Variants in ATL3 observed in about 807,000 individuals in gnomAD.
The protein encoded by ATL3 is atlastin GTPase 3.
ATL3 carries 49 observed loss-of-function variants against 69.5 expected under a neutral mutation model. The observed-to-expected ratio is 0.71, with a 90% confidence interval of 0.56 to 0.89. The LOEUF is 0.89. Among genes scored for constraint, ATL3 ranks in the 40% least tolerant of loss-of-function variants. The pLI, the probability that ATL3 is intolerant of heterozygous loss-of-function variation, is 0.00. For missense variants in ATL3, 606 were observed against 645.7 expected, an observed-to-expected ratio of 0.94 and a Z score of 0.67; for synonymous variants, 214 against 224.1, an observed-to-expected ratio of 0.95 and a Z score of 0.40.
At chr11:63,656,013 A>G (rs1565280457) in intron 3 of ATL3, among the ~76,000 whole-genome samples, 1 of 152,080 alleles carries the variant, frequency 6.6e-6, no homozygotes, top group Middle Eastern at 3.4e-3. Flanking sequence ...TCACGAGGTC[A>G]GGAGATCGAG....
intron 12 of ATL3, 60 bp from the exon 13 acceptor site, chr11:63,629,465 G>A: frequency 6.8e-7 from 1 of 1,467,252 alleles, no homozygotes; most frequent in Non-Finnish European, 9.5e-7. Flanking sequence ...CAACAAGAAA[G>A]TAAGTCCTTA....
intron 1 of ATL3, among the ~76,000 whole-genome samples, chr11:63,666,861 T>C (rs369444064): frequency 2.6e-5 from 4 of 152,222 alleles, no homozygotes; most frequent in African/African-American, 9.6e-5. Flanking sequence ...GTTAATGCTG[T>C]ATTACATTAC....
At position 63,648,922 on chromosome 11, in the gene ATL3, A is replaced by G. The variant is rs965605957; in HGVS notation, c.562-2359T>C. ...CATTTCAGGTTAGGAATTTGAGGTC[A>G]CTCTGACCAACATAGTGAAACCCTG... is the stretch of plus-strand genomic sequence containing the variant. On this transcript the variant is annotated intron_variant, in intron 5 of 12. Coordinates refer to ENST00000398868, the MANE Select transcript of ATL3 (RefSeq NM_015459.5). 3.3e-5 allele frequency among the ~76,000 whole-genome samples: 5 copies of G among 152,186 alleles called. No individual in the cohort carries two copies. In the South Asian group the frequency reaches 8.3e-4, roughly 25 times the overall value.
At chr11:63,648,397 C>T (rs1939957770) in intron 5 of ATL3, among the ~76,000 whole-genome samples, 1 of 152,188 alleles carries the variant, frequency 6.6e-6, no homozygotes, top group Non-Finnish European at 1.5e-5. Flanking sequence ...ATAACCTTGC[C>T]AAACCACCTA....
At chr11:63,656,306 C>A (rs1186525420) in intron 3 of ATL3, among the ~76,000 whole-genome samples, 2 of 150,912 alleles carry the variant, frequency 1.3e-5, no homozygotes, top group Non-Finnish European at 2.9e-5. Context: ...CCAGACATAC[C>A]CTATAAATAT....
intron 10 of ATL3, among the ~76,000 whole-genome samples, chr11:63,633,717 C>CAAA (rs755308089): frequency 9.7e-5 from 4 of 41,288 alleles, no homozygotes; most frequent in South Asian, 1.8e-3. Context: ...AGATGTGAGT[C>CAAA]AAAAAAAAAA....
At chr11:63,654,894 TAA>T (rs531751594) in intron 3 of ATL3, among the ~76,000 whole-genome samples, 65 of 133,584 alleles carry the variant, frequency 4.9e-4, no homozygotes, top group East Asian at 1.5e-3. Context: ...CAAGACTGTC[TAA>T]AAAAAAAAAA....
chr11:63,668,650 G>A (rs765390134), intron 1 of ATL3, among the ~76,000 whole-genome samples: 17 of 152,118 alleles, frequency 1.1e-4, no homozygotes, highest in Non-Finnish European at 2.1e-4. Flanking sequence ...AATCCAAGGA[G>A]AGGGCTGAAT....
intron 1 of ATL3, chr11:63,670,462 G>A (rs1322849813): frequency 6.6e-6 from 1 of 152,032 alleles, no homozygotes; most frequent in Non-Finnish European, 1.5e-5. Context: ...TTTCCTTTTT[G>A]CTCTTCGATT....
chr11:63,658,530 G>A (rs1940326831), intron 3 of ATL3, among the ~76,000 whole-genome samples: 2 of 152,162 alleles, frequency 1.3e-5, no homozygotes, highest in Admixed American at 1.3e-4. Flanking sequence ...AGCAGACCAA[G>A]GAGACTACAG....
chr11:63,629,183 T>C lies in ATL3; in HGVS notation c.*136A>G, dbSNP rs928882622. On this transcript the variant is annotated 3_prime_UTR_variant, in exon 13 of 13. Transcript: ENST00000398868. ...ACCACAGGAGAGGTCTGCTCATTTA[T>C]TACAGGGCCATGTTTTAGCTCTTCC... The C allele has an allele frequency of 1.5e-6, 1 of 664,266 alleles. No individual in the cohort carries two copies. Among genetic ancestry groups the C allele is most frequent in the African/African-American group, 1.8e-5 (1 of 54,992 alleles). The allele number at this position is 664,266 out of a possible 1,614,324, so 41.1% of individuals were successfully genotyped here. A position where few individuals can be genotyped will look rare whatever the true frequency, so the allele number is the denominator to read the frequency against.
rs1386915087 is a variant in ATL3, at chr11:63,652,497, G to C, written c.484C>G (p.Leu162Val). 10 of 1,609,386 alleles carry C rather than the reference G, an allele frequency of 6.2e-6. No individual in the cohort carries two copies. Among genetic ancestry groups the C allele is most frequent in the East Asian group, 2.2e-5 (1 of 44,838 alleles). Residue 162 changes from leucine (L) to valine (V), a missense_variant, in exon 4 of 13, where the codon CTA becomes GTA. By Grantham distance (32) the Leu-to-Val change is conservative. Coordinates refer to ENST00000398868, the MANE Select transcript of ATL3 (RefSeq NM_015459.5). ...TGAACAGAACTAGTCATAGTGCTTAGAGCAAAGATGGTAGCACAGTCTTTC... is the reference window on the plus strand; with the variant it reads ...TGAACAGAACTAGTCATAGTGCTTACAGCAAAGATGGTAGCACAGTCTTTC... ...TVKDCATIFA[L>V]STMTSSVQIY...
At chr11:63,636,742 GA>G (rs35563503) in intron 8 of ATL3, among the ~76,000 whole-genome samples, 138,003 of 142,938 alleles carry the variant, frequency 0.97, 66,668 homozygotes, top group South Asian at 1. Flanking sequence ...TCCATCTCAA[GA>G]AAAAAAAAAA....
At chr11:63,671,703 C>A, upstream of ATL3, 1 of 1,298,368 alleles carries the variant, frequency 7.7e-7, no homozygotes, top group Non-Finnish European at 1.0e-6. Context: ...GGGTCCCGGC[C>A]AGCGGTCCTC....
chr11:63,659,056 T>C lies in ATL3; in HGVS notation c.243A>G (p.Leu81=). ...ATCTTACCTGAGAATATAAGTATCGTAGCATAAAATCCAGAATGAAGGACT... is the reference window on the plus strand; with the variant it reads ...ATCTTACCTGAGAATATAAGTATCGCAGCATAAAATCCAGAATGAAGGACT... ...KGKSFILDFM[L]RYLYSQKESG... is the part of the protein sequence containing the mutation. Residue 81 remains leucine, a synonymous_variant, in exon 2 of 13, where the codon CTA becomes CTG. Coordinates refer to ENST00000398868, the MANE Select transcript of ATL3 (RefSeq NM_015459.5). 6.2e-7 allele frequency: 1 copy of C among 1,614,130 alleles called. No individual in the cohort carries two copies. Among genetic ancestry groups the C allele is most frequent in the Non-Finnish European group, 8.5e-7 (1 of 1,179,980 alleles).
chr11:63,671,467 G>T, upstream of ATL3: 2 of 1,474,838 alleles, frequency 1.4e-6, no homozygotes, highest in South Asian at 1.3e-5. Context: ...CCAGAAGGTG[G>T]GGCACGCGGA....
chr11:63,631,295 G>T lies in ATL3; in HGVS notation c.1284C>A (p.Phe428Leu). The change falls in exon 12 of 13, where the codon TTC becomes TTA. Residue 428 changes from phenylalanine to leucine, a missense_variant. Coordinates refer to ENST00000398868, the MANE Select transcript of ATL3 (RefSeq NM_015459.5). ...EEEIKELYEN[F>L]CKHNGSKNVF... Reference sequence around the variant, plus strand: ...CGTTCTTGCTACCATTGTGCTTGCAGAAGTTCTCATATAATTCCTTGATTT... The same window carrying T: ...CGTTCTTGCTACCATTGTGCTTGCATAAGTTCTCATATAATTCCTTGATTT... 1 of 1,614,228 alleles carries T rather than the reference G, an allele frequency of 6.2e-7. No individual in the cohort carries two copies. The highest frequency in any genetic ancestry group is 8.5e-7 in the Non-Finnish European group (1 of 1,180,042).
At chr11:63,652,441 G>T in intron 4 of ATL3, 30 bp downstream of exon 4, 3 of 1,367,772 alleles carry the variant, frequency 2.2e-6, no homozygotes, top group Non-Finnish European at 2.0e-6. Context: ...TTTCCTTTGC[G>T]AGCTTTTTTC....
chr11:63,670,887 A>AGG (rs1940748577), intron 1 of ATL3, among the ~76,000 whole-genome samples: 1 of 152,094 alleles, frequency 6.6e-6, no homozygotes, highest in South Asian at 2.1e-4. Flanking sequence ...CCGGGCACGG[A>AGG]GGGGCAGCGC....
Sources: gnomAD v4.1 joint callset for allele counts (sites outside exome capture counted in the v4.1 genomes callset) on GRCh38, gnomAD v4.1.1 for gene constraint, MANE v1.5 for transcripts, NCBI Gene and HGNC (gene_info 2026-07-23, HGNC 2026-07-21) for gene names.